The following DMBT1 variants were observed in gnomAD, a reference collection of about 807,000 sequenced individuals.
The protein encoded by DMBT1 is scavenger receptor cysteine-rich domain-containing protein DMBT1.
DMBT1 carries 198 observed loss-of-function variants against 252.9 expected under a neutral mutation model. The observed-to-expected ratio is 0.78, with a 90% confidence interval of 0.70 to 0.88. The LOEUF (loss-of-function observed/expected upper bound fraction) is 0.88. DMBT1 is among the 40% of genes least tolerant of loss of function. DMBT1 has a pLI of 0.00. For synonymous variants in DMBT1, 990 were observed against 942.7 expected (o/e 1.05, Z -0.92); for missense variants, 2,432 against 2,404.7 (o/e 1.01, Z -0.24).
At chr10:122,623,548 G>C (rs999657122) in intron 44 of DMBT1, among the ~76,000 whole-genome samples, 5 of 152,122 alleles carry the variant, frequency 3.3e-5, no homozygotes, top group Admixed American at 6.5e-5. Context: ...TGATTCCTCC[G>C]TATCCTCACC....
intron 27 of DMBT1, among the ~76,000 whole-genome samples, chr10:122,600,351 A>G (rs2097935674): frequency 6.6e-6 from 1 of 151,966 alleles, no homozygotes; most frequent in South Asian, 2.1e-4. Context: ...GACAACCCTT[A>G]CAGGTTCAGG....
chr10:122,576,131 A>C (rs1357656067), intron 6 of DMBT1, among the ~76,000 whole-genome samples: 1 of 152,164 alleles, frequency 6.6e-6, no homozygotes, highest in Non-Finnish European at 1.5e-5. Context: ...GAGAAGGGTC[A>C]TGTGTATCTC....
At chr10:122,623,577 T>G (rs1342527105) in intron 44 of DMBT1, among the ~76,000 whole-genome samples, 1 of 152,248 alleles carries the variant, frequency 6.6e-6, no homozygotes, top group Non-Finnish European at 1.5e-5. Context: ...TTATGATGTC[T>G]TTTTCATCAT....
intron 40 of DMBT1, 72 bp from the exon 41 acceptor site, chr10:122,617,945 G>C: frequency 6.3e-7 from 1 of 1,595,598 alleles, no homozygotes; most frequent in Non-Finnish European, 8.5e-7. Flanking sequence ...GAAGTACCCT[G>C]AGTGTGGAAC....
intron 40 of DMBT1, 127 bp from the exon 41 acceptor site, chr10:122,617,890 T>A: frequency 6.8e-7 from 1 of 1,480,468 alleles, no homozygotes; most frequent in South Asian, 1.3e-5. Flanking sequence ...CCGGTAGCAG[T>A]TGTATGCAAT....
In DMBT1 at chr10:122,599,107, C is replaced by T. The variant is rs778018681; in HGVS notation, c.3280+10C>T. On this transcript the variant is annotated intron_variant, in intron 26 of 55. Coordinates refer to ENST00000338354, the MANE Select transcript of DMBT1 (RefSeq NM_001377530.1). ...GGTGTCATCTGCTCAGGTGGGCCTT[C>T]AAGAACTTGGGATCACTCTCTTGGG... is the stretch of plus-strand genomic sequence containing the variant. 2 of 1,613,846 alleles carry T rather than the reference C, an allele frequency of 1.2e-6. No individual in the cohort carries two copies. The highest frequency in any genetic ancestry group is 1.7e-6 in the Non-Finnish European group (2 of 1,179,758).
At chr10:122,618,454 C>T (rs2098023543) in intron 41 of DMBT1, 114 bp downstream of exon 41, 2 of 1,550,544 alleles carry the variant, frequency 1.3e-6, no homozygotes, top group Admixed American at 2.0e-5. Flanking sequence ...TTCTATATTT[C>T]TGAAGTCTTG....
chr10:122,576,727 G>A lies in DMBT1; in HGVS notation c.607+5G>A. 6.2e-7 allele frequency: 1 copy of A among 1,613,746 alleles called. No individual in the cohort carries two copies. Among genetic ancestry groups the A allele is most frequent in the Non-Finnish European group, 8.5e-7 (1 of 1,179,706 alleles). On this transcript the variant is annotated splice_donor_5th_base_variant and intron_variant, in intron 7 of 55. Transcript: ENST00000338354. ...ATGCTGGTGTTATCTGCTCAGGTAG[G>A]CATCCAGATCTCTGGAGGGTTGGGT...
Position 122,572,343 on chromosome 10 carries a change from G to A in DMBT1, c.217G>A (p.Glu73Lys). The change falls in exon 5 of 56, where the codon GAG (glutamate) becomes AAG (lysine). Residue 73 changes from glutamate (E) to lysine (K), a missense_variant. Physicochemically the swap from Glu to Lys is moderately conservative, Grantham distance 56 (BLOSUM62 1). Coordinates refer to ENST00000338354, the MANE Select transcript of DMBT1 (RefSeq NM_001377530.1). ...GSPISLESTL[E>K]STVAEGSLIP... Reference sequence around the variant, plus strand: ...TCCGATTTCCTTGGAGTCAACCCTGGAGTCAACCGTAGCAGAAGGTAACGT... The same window carrying A: ...TCCGATTTCCTTGGAGTCAACCCTGAAGTCAACCGTAGCAGAAGGTAACGT... The A allele has an allele frequency of 6.2e-7, 1 of 1,613,022 alleles. No individual in the cohort carries two copies. Among genetic ancestry groups the A allele is most frequent in the Non-Finnish European group, 8.5e-7 (1 of 1,179,184 alleles).
intron 26 of DMBT1, among the ~76,000 whole-genome samples, chr10:122,599,614 C>G (rs920562391): frequency 3.9e-5 from 6 of 152,206 alleles, no homozygotes; most frequent in African/African-American, 1.4e-4. Flanking sequence ...TCCTTGACCT[C>G]AGGTCCTCTC....
At chr10:122,624,143 G>A (rs1014665346) in intron 44 of DMBT1, among the ~76,000 whole-genome samples, 1 of 152,206 alleles carries the variant, frequency 6.6e-6, no homozygotes, top group Non-Finnish European at 1.5e-5. Flanking sequence ...ACCTTGCCAG[G>A]CAGCTGGGAG....
At chr10:122,626,286 A>G (rs2098118382) in intron 46 of DMBT1, among the ~76,000 whole-genome samples, 1 of 152,214 alleles carries the variant, frequency 6.6e-6, no homozygotes, top group African/African-American at 2.4e-5. Context: ...ATGTTTCAAT[A>G]GATTTTCATT....
chr10:122,587,388 G>A (rs2097799927), intron 16 of DMBT1, among the ~76,000 whole-genome samples: 1 of 148,758 alleles, frequency 6.7e-6, no homozygotes, highest in South Asian at 2.3e-4. Flanking sequence ...GGGTGTGAGT[G>A]CTTGATTGCA....
intron 40 of DMBT1, 129 bp from the exon 41 acceptor site, chr10:122,617,888 A>T: frequency 6.8e-7 from 1 of 1,469,134 alleles, no homozygotes; most frequent in Non-Finnish European, 9.3e-7. Flanking sequence ...CTCCGGTAGC[A>T]GTTGTATGCA....
Position 122,590,533 on chromosome 10 carries a change from G to A in DMBT1, c.2108-132G>A, listed in dbSNP as rs2097841541. ...GGAGCATCTTTGTGGGGACGTGCAT[G>A]GCAATGCCCCTCCCTCTGTGATGGG... On this transcript the variant is annotated intron_variant, in intron 17 of 55. Coordinates refer to ENST00000338354, the MANE Select transcript of DMBT1 (RefSeq NM_001377530.1). 3 of 1,140,580 alleles carry A rather than the reference G, an allele frequency of 2.6e-6. 1 individual carries two copies. Among genetic ancestry groups the A allele is most frequent in the Non-Finnish European group, 3.9e-6 (3 of 763,540 alleles). 70.7% of individuals were successfully genotyped at this position (1,140,580 alleles called of 1,614,324 possible). A position where few individuals can be genotyped will look rare whatever the true frequency, so the allele number is the denominator to read the frequency against.
intron 25 of DMBT1, among the ~76,000 whole-genome samples, 167 bp downstream of exon 25, chr10:122,598,179 T>A (rs1484880688): frequency 6.6e-6 from 1 of 152,048 alleles, no homozygotes; most frequent in Non-Finnish European, 1.5e-5. Flanking sequence ...CTGGGTCTGA[T>A]GTTGGAGGCT....
At chr10:122,624,220 G>GGCTCCT (rs573057343) in intron 44 of DMBT1, among the ~76,000 whole-genome samples, 86 of 152,172 alleles carry the variant, frequency 5.7e-4, no homozygotes, top group Non-Finnish European at 1.0e-3. Context: ...CCATGCTGAT[G>GGCTCCT]GCTCCTGCAC....
chr10:122,572,470 T>G, intron 5 of DMBT1, 109 bp downstream of exon 5: 1 of 1,438,890 alleles, frequency 6.9e-7, no homozygotes, highest in African/African-American at 1.4e-5. Context: ...TGTGCTGGCG[T>G]CAGGTGCTCA....
At chr10:122,591,417 T>G in intron 18 of DMBT1, 62 bp from the exon 19 acceptor site, 4 of 1,507,014 alleles carry the variant, frequency 2.7e-6, no homozygotes, top group Non-Finnish European at 2.7e-6. Flanking sequence ...CAGAGACCTT[T>G]CCTTTTGGAG....
Sources: allele counts gnomAD v4.1 joint callset (sites outside exome capture counted in the v4.1 genomes callset), GRCh38; gene constraint gnomAD v4.1.1; transcripts MANE v1.5; gene names NCBI Gene and HGNC (gene_info 2026-07-23, HGNC 2026-07-21).